The following SPIDR variants were observed in gnomAD, a reference collection of about 807,000 sequenced individuals.
SPIDR encodes scaffold protein involved in DNA repair.
SPIDR carries 93 observed loss-of-function variants against 104.6 expected under a neutral mutation model. That is an observed-to-expected ratio of 0.89 (90% CI 0.75 to 1.06). SPIDR has a LOEUF of 1.06. Ranked by LOEUF, SPIDR falls within the 50% of genes least tolerant of loss-of-function variation. SPIDR has a pLI of 0.00. For missense variants in SPIDR, 1,154 were observed against 1,111.2 expected, an observed-to-expected ratio of 1.04 and a Z score of -0.55; for synonymous variants, 431 against 416.9, an observed-to-expected ratio of 1.03 and a Z score of -0.41.
chr8:47,701,836 T>C lies in SPIDR; in HGVS notation c.1889T>C (p.Val630Ala), dbSNP rs2080230202. The C allele has an allele frequency of 1.2e-6, 2 of 1,614,150 alleles. No homozygotes were observed. Among genetic ancestry groups the C allele is most frequent in the Non-Finnish European group, 1.7e-6 (2 of 1,180,026 alleles). ...DPIYKLYQPP[V>A]TRCLRDILQM... ...ATTTATAAGCTTTACCAGCCTCCAG[T>C]TACCCGCTGCTTAAGAGACATTCTC... is the stretch of plus-strand genomic sequence containing the variant. The change falls in exon 13 of 20, where the codon GTT becomes GCT. Residue 630 changes from valine to alanine, a missense_variant. Val to Ala is a moderately conservative substitution (Grantham distance 64, BLOSUM62 0). Transcript: ENST00000297423.
rs1337597903 is a variant in SPIDR at position 47,551,378 on chromosome 8, T to C, written c.1098-44433T>C. Among the ~76,000 whole-genome samples, 11 of 152,290 alleles carry C rather than the reference T, an allele frequency of 7.2e-5. No individual in the cohort carries two copies. In the East Asian group the frequency reaches 2.1e-3, roughly 29 times the overall value. The stretch of plus-strand genomic sequence containing the variant: ...TCCTCTTTGTTCCTCTGGTGGAATT[T>C]GGCTGTGAATCCATCTGGTCCTGAA... On this transcript the variant is annotated intron_variant, in intron 8 of 19. Coordinates refer to ENST00000297423, the MANE Select transcript of SPIDR (RefSeq NM_001080394.4).
intron 5 of SPIDR, among the ~76,000 whole-genome samples, chr8:47,304,548 G>C (rs2042796890): frequency 6.6e-6 from 1 of 152,036 alleles, no homozygotes; most frequent in Non-Finnish European, 1.5e-5. Flanking sequence ...GTGTAGTACT[G>C]CCCACTTTGC....
chr8:47,470,571 C>T (rs569269459), intron 8 of SPIDR, among the ~76,000 whole-genome samples: 7 of 152,094 alleles, frequency 4.6e-5, no homozygotes, highest in African/African-American at 9.6e-5. Context: ...CGAGCTACCA[C>T]GCCTGACCAT....
chr8:47,324,022 A>T (rs1439201085), intron 5 of SPIDR, among the ~76,000 whole-genome samples: 1 of 152,214 alleles, frequency 6.6e-6, no homozygotes, highest in Non-Finnish European at 1.5e-5. Context: ...AGTGCTAAAA[A>T]GTTATAATCC....
intron 8 of SPIDR, chr8:47,527,922 C>T (rs1385742370): frequency 6.6e-6 from 1 of 152,106 alleles, no homozygotes; most frequent in African/African-American, 2.4e-5. Flanking sequence ...AAGCTATCTA[C>T]TTGGAGATGG....
At chr8:47,583,166 C>T (rs920436272) in intron 8 of SPIDR, among the ~76,000 whole-genome samples, 5 of 150,780 alleles carry the variant, frequency 3.3e-5, no homozygotes, top group African/African-American at 7.3e-5. Context: ...ATTAGCCGGG[C>T]GTGGTGGCGG....
chr8:47,335,952 C>T (rs782624763), intron 5 of SPIDR, among the ~76,000 whole-genome samples: 7 of 150,918 alleles, frequency 4.6e-5, no homozygotes, highest in Admixed American at 1.3e-4. Context: ...ATTTGTCTAG[C>T]TTGCTGTTCT....
chr8:47,382,617 C>T (rs187046354), intron 5 of SPIDR, among the ~76,000 whole-genome samples: 11 of 152,172 alleles, frequency 7.2e-5, no homozygotes, highest in Middle Eastern at 3.4e-3. Context: ...TTCACCATGT[C>T]GGCTAGGATG....
chr8:47,689,767 G>A (rs781207508), intron 11 of SPIDR, among the ~76,000 whole-genome samples: 64 of 152,162 alleles, frequency 4.2e-4, no homozygotes, highest in Non-Finnish European at 6.3e-4. Flanking sequence ...CTCTGATGAG[G>A]CACACTCCAA....
chr8:47,397,972 C>T (rs2154314080), intron 6 of SPIDR, among the ~76,000 whole-genome samples: 1 of 152,234 alleles, frequency 6.6e-6, no homozygotes, highest in East Asian at 1.9e-4. Flanking sequence ...AGCTTGAAGA[C>T]ACCAGTGGAG....
intron 10 of SPIDR, among the ~76,000 whole-genome samples, chr8:47,665,457 T>C (rs2632496): frequency 0.035 from 5,309 of 152,338 alleles, 110 homozygotes; most frequent in Non-Finnish European, 0.051. Flanking sequence ...TTTTGAAGTA[T>C]TCTAGCTTTT....
chr8:47,466,910 T>TAA (rs1564054185), intron 8 of SPIDR, among the ~76,000 whole-genome samples: 1 of 125,868 alleles, frequency 7.9e-6, no homozygotes, highest in Admixed American at 7.8e-5. Context: ...AATATATATA[T>TAA]ATATAGATAG....
intron 5 of SPIDR, among the ~76,000 whole-genome samples, chr8:47,316,913 G>A (rs2154258903): frequency 6.6e-6 from 1 of 152,264 alleles, no homozygotes; most frequent in South Asian, 2.1e-4. Flanking sequence ...GAGATATAAT[G>A]GGATGATGTG....
intron 8 of SPIDR, among the ~76,000 whole-genome samples, chr8:47,545,541 T>A (rs144563862): frequency 1.2e-4 from 18 of 152,296 alleles, no homozygotes; most frequent in African/African-American, 4.3e-4. Flanking sequence ...TTGTAGATTC[T>A]TTCATAACTT....
At chr8:47,305,679 T>G (rs2042978071) in intron 5 of SPIDR, among the ~76,000 whole-genome samples, 1 of 152,332 alleles carries the variant, frequency 6.6e-6, no homozygotes, top group South Asian at 2.1e-4. Context: ...TATAAATTTT[T>G]GAAAATCAGT....
intron 5 of SPIDR, among the ~76,000 whole-genome samples, chr8:47,304,911 C>T (rs1045186645): frequency 2.6e-5 from 4 of 152,176 alleles, no homozygotes; most frequent in Non-Finnish European, 5.9e-5. Context: ...GGGTTTGTTA[C>T]CACAAGAATG....
At chr8:47,654,675 A>T (rs931665561) in intron 10 of SPIDR, among the ~76,000 whole-genome samples, 2 of 152,112 alleles carry the variant, frequency 1.3e-5, no homozygotes, top group African/African-American at 4.8e-5. Flanking sequence ...TTTCTTAAAG[A>T]CCTACACTCA....
intron 10 of SPIDR, among the ~76,000 whole-genome samples, chr8:47,627,914 T>C (rs1004896742): frequency 7.2e-5 from 11 of 152,216 alleles, no homozygotes; most frequent in African/African-American, 2.7e-4. Context: ...TGGTTAACAT[T>C]AGCCTGGGCT....
intron 7 of SPIDR, among the ~76,000 whole-genome samples, chr8:47,426,827 AG>A (rs1327646108): frequency 6.6e-6 from 1 of 152,242 alleles, no homozygotes. Context: ...GCAGAGCCTC[AG>A]GATCTAGTCA....
Sources: allele counts gnomAD v4.1 joint callset (sites outside exome capture counted in the v4.1 genomes callset), GRCh38; gene constraint gnomAD v4.1.1; transcripts MANE v1.5; gene names NCBI Gene and HGNC (gene_info 2026-07-23, HGNC 2026-07-21).